The following PCDH15 variants were observed in gnomAD, a reference collection of about 807,000 sequenced individuals.
The protein encoded by PCDH15 is protocadherin related 15.
PCDH15 carries 129 observed loss-of-function variants against 178.5 expected under a neutral mutation model. The ratio of observed to expected loss-of-function variants is 0.72; its 90% CI spans 0.63 to 0.84. The LOEUF (loss-of-function observed/expected upper bound fraction) is 0.84, where lower values mean the gene tolerates loss of function less well. Ranked by LOEUF, PCDH15 falls within the 40% of genes least tolerant of loss-of-function variation. PCDH15 has a pLI of 0.00. For missense variants in PCDH15, 2,230 were observed against 2,099.9 expected (o/e 1.06, Z -1.21); for synonymous variants, 800 against 732.0 (o/e 1.09, Z -1.50).
intron 2 of PCDH15, among the ~76,000 whole-genome samples, chr10:55,051,493 A>T (rs1409314806): frequency 1.3e-5 from 2 of 152,222 alleles, no homozygotes; most frequent in African/African-American, 4.8e-5. Context: ...GATACAAAAA[A>T]GTATAAATTA....
chr10:54,403,909 A>T (rs1402045304), intron 3 of PCDH15, among the ~76,000 whole-genome samples: 1 of 151,762 alleles, frequency 6.6e-6, no homozygotes, highest in Non-Finnish European at 1.5e-5. Context: ...ATAATTAAAC[A>T]GGAAGGTGAA....
chr10:54,723,163 A>G (rs554746815), intron 1 of PCDH15, among the ~76,000 whole-genome samples: 1 of 151,892 alleles, frequency 6.6e-6, no homozygotes, highest in Non-Finnish European at 1.5e-5. Flanking sequence ...CTATAAGTCT[A>G]TAGTAATTAA....
intron 2 of PCDH15, among the ~76,000 whole-genome samples, chr10:55,143,356 T>G (rs1378009350): frequency 6.6e-6 from 1 of 152,118 alleles, no homozygotes; most frequent in African/African-American, 2.4e-5. Flanking sequence ...AGTTCTACTT[T>G]CACAGTTTTT....
intron 15 of PCDH15, among the ~76,000 whole-genome samples, chr10:54,105,498 A>G (rs2094902838): frequency 6.6e-6 from 1 of 152,018 alleles, no homozygotes; most frequent in Non-Finnish European, 1.5e-5. Flanking sequence ...TTAGAGTCCA[A>G]TGTTCAAGGG....
chr10:54,158,510 T>A (rs2045385878), intron 13 of PCDH15, among the ~76,000 whole-genome samples: 1 of 152,194 alleles, frequency 6.6e-6, no homozygotes, highest in African/African-American at 2.4e-5. Flanking sequence ...CATATCACCA[T>A]CAATCACCCA....
intron 25 of PCDH15, among the ~76,000 whole-genome samples, chr10:53,915,931 T>C (rs1443679511): frequency 6.6e-6 from 1 of 152,162 alleles, no homozygotes; most frequent in Non-Finnish European, 1.5e-5. Context: ...TGACACTTTG[T>C]CATTCCTCAG....
chr10:54,316,392 G>A (rs992307155), intron 8 of PCDH15, among the ~76,000 whole-genome samples: 6 of 152,222 alleles, frequency 3.9e-5, no homozygotes, highest in Non-Finnish European at 8.8e-5. Context: ...AAAAAGTCAA[G>A]TAGCTTCCAA....
chr10:54,978,363 G>A (rs1839129856), intron 2 of PCDH15, among the ~76,000 whole-genome samples: 1 of 152,044 alleles, frequency 6.6e-6, no homozygotes, highest in South Asian at 2.1e-4. Flanking sequence ...TAAAAATCGT[G>A]CATGTTATAC....
intron 2 of PCDH15, among the ~76,000 whole-genome samples, chr10:54,968,665 C>A (rs943440685): frequency 1.3e-5 from 2 of 152,010 alleles, no homozygotes; most frequent in South Asian, 2.1e-4. Context: ...TGAATCTGCC[C>A]GTGTGTAGAG....
At chr10:54,522,312 A>G (rs988454698) in intron 3 of PCDH15, among the ~76,000 whole-genome samples, 12 of 152,148 alleles carry the variant, frequency 7.9e-5, no homozygotes, top group Non-Finnish European at 1.8e-4. Context: ...ATCTACATAC[A>G]TTCAATCAAC....
intron 2 of PCDH15, among the ~76,000 whole-genome samples, chr10:55,378,106 T>C (rs1176033149): frequency 1.3e-5 from 2 of 152,068 alleles, no homozygotes; most frequent in African/African-American, 4.8e-5. Flanking sequence ...ATATCTAATG[T>C]AGATGACGGG....
At chr10:55,158,339 A>G (rs1382900145) in intron 2 of PCDH15, among the ~76,000 whole-genome samples, 1 of 152,032 alleles carries the variant, frequency 6.6e-6, no homozygotes, top group Non-Finnish European at 1.5e-5. Context: ...GTTAGATGTA[A>G]ACAGATGTGA....
chr10:53,984,136 C>CT (rs1564928589), intron 21 of PCDH15, among the ~76,000 whole-genome samples: 17 of 73,494 alleles, frequency 2.3e-4, no homozygotes, highest in African/African-American at 4.8e-4. Context: ...TTTTTTTTTT[C>CT]TTTTTTCTTT....
chr10:53,991,898 TG>T (rs1489915469), intron 21 of PCDH15, among the ~76,000 whole-genome samples: 1 of 152,032 alleles, frequency 6.6e-6, no homozygotes, highest in Non-Finnish European at 1.5e-5. Context: ...CAGCATGATG[TG>T]GGTGGGGTCA....
intron 2 of PCDH15, among the ~76,000 whole-genome samples, chr10:55,089,703 T>C (rs1427278348): frequency 1.3e-5 from 2 of 152,148 alleles, no homozygotes; most frequent in African/African-American, 4.8e-5. Flanking sequence ...GGAAAATATT[T>C]AGAGAACACA....
At chr10:55,005,183 G>GTTA (rs1839896470) in intron 2 of PCDH15, among the ~76,000 whole-genome samples, 2 of 113,044 alleles carry the variant, frequency 1.8e-5, no homozygotes, top group South Asian at 5.6e-4. Context: ...ACAAGTCTGG[G>GTTA]TAATATAGTG....
intron 3 of PCDH15, among the ~76,000 whole-genome samples, chr10:54,883,635 C>G (rs1384995352): frequency 6.6e-6 from 1 of 151,824 alleles, no homozygotes; most frequent in Non-Finnish European, 1.5e-5. Context: ...TAATGTATAC[C>G]ATATAGATTC....
At chr10:54,166,012 G>A (rs2046191375) in intron 13 of PCDH15, among the ~76,000 whole-genome samples, 1 of 152,188 alleles carries the variant, frequency 6.6e-6, no homozygotes, top group Non-Finnish European at 1.5e-5. Flanking sequence ...AAGGGGCTGG[G>A]AGAATAAACC....
At chr10:54,712,249 ACAT>A (rs963660412) in intron 1 of PCDH15, among the ~76,000 whole-genome samples, 5 of 151,922 alleles carry the variant, frequency 3.3e-5, no homozygotes, top group African/African-American at 1.2e-4. Flanking sequence ...AAAGCAGAAA[ACAT>A]CATTGGGTAG....
Sources: gnomAD v4.1 joint callset for allele counts (sites outside exome capture counted in the v4.1 genomes callset) on GRCh38, gnomAD v4.1.1 for gene constraint, MANE v1.5 for transcripts, NCBI Gene and HGNC (gene_info 2026-07-23, HGNC 2026-07-21) for gene names.